Variants in VWA8 observed in about 807,000 individuals in gnomAD.
VWA8 encodes von Willebrand factor A domain containing 8, also known as von Willebrand factor A domain-containing protein 8.
VWA8 carries 221 observed loss-of-function variants against 241.5 expected under a neutral mutation model. The observed-to-expected ratio is 0.91, with a 90% CI of 0.82 to 1.02. The LOEUF (loss-of-function observed/expected upper bound fraction) is 1.02. VWA8 is among the 50% of genes least tolerant of loss of function. The pLI is 0.00. For synonymous variants in VWA8, 852 were observed against 827.1 expected (o/e 1.03, Z -0.52); for missense variants, 2,322 against 2,328.7 (o/e 1.00, Z 0.06).
chr13:41,721,622 C>T (rs767647552), intron 24 of VWA8, 47 bp from the exon 25 acceptor site: 8 of 1,551,314 alleles, frequency 5.2e-6, no homozygotes, highest in East Asian at 4.5e-5. Flanking sequence ...AAATCCATTA[C>T]GATGTCACAG....
intron 12 of VWA8, among the ~76,000 whole-genome samples, chr13:41,860,950 T>C (rs1408404909): frequency 6.6e-6 from 1 of 152,024 alleles, no homozygotes; most frequent in East Asian, 1.9e-4. Context: ...ATGAGAGTTT[T>C]TATTTTAATG....
At chr13:41,763,125 C>G (rs2045753040) in intron 20 of VWA8, among the ~76,000 whole-genome samples, 1 of 151,594 alleles carries the variant, frequency 6.6e-6, no homozygotes. Flanking sequence ...AACAAACAAA[C>G]AAACAAACAA....
At chr13:41,863,131 A>T (rs1413786563) in intron 12 of VWA8, among the ~76,000 whole-genome samples, 1 of 151,942 alleles carries the variant, frequency 6.6e-6, no homozygotes, top group Non-Finnish European at 1.5e-5. Flanking sequence ...GGCATCATCT[A>T]ATCAGCTGCC....
intron 17 of VWA8, among the ~76,000 whole-genome samples, chr13:41,789,177 G>A (rs149049271): frequency 0.011 from 1,684 of 152,208 alleles, 33 homozygotes; most frequent in African/African-American, 0.039. Flanking sequence ...CATATCAGGC[G>A]GTGTAAGGCC....
chr13:41,926,768 G>A (rs956623304), intron 2 of VWA8: 2 of 543,354 alleles, frequency 3.7e-6, no homozygotes, highest in African/African-American at 1.9e-5. Context: ...AATCAGCATG[G>A]TAGAAGAACT....
At chr13:41,872,308 T>A (rs1873668434) in intron 9 of VWA8, among the ~76,000 whole-genome samples, 1 of 152,242 alleles carries the variant, frequency 6.6e-6, no homozygotes, top group Non-Finnish European at 1.5e-5. Context: ...CTCTTTAGTT[T>A]AATTAGATCC....
At chr13:41,942,940 T>C (rs1877670029) in intron 2 of VWA8, among the ~76,000 whole-genome samples, 1 of 152,132 alleles carries the variant, frequency 6.6e-6, no homozygotes, top group Non-Finnish European at 1.5e-5. Flanking sequence ...ACAGCTGAGT[T>C]GCAGCAAGCA....
At position 41,611,571 on chromosome 13, in the gene VWA8, C is replaced by T. The variant is rs777215843; in HGVS notation, c.4877+5G>A. 6.2e-7 allele frequency: 1 copy of T among 1,613,848 alleles called. No individual in the cohort carries two copies. The highest frequency in any genetic ancestry group is 8.5e-7 in the Non-Finnish European group (1 of 1,179,838). On this transcript the variant is annotated splice_donor_5th_base_variant and intron_variant, in intron 39 of 44. Transcript: ENST00000379310. The stretch of plus-strand genomic sequence containing the variant: ...TGCTGGTCTAAATGTGATGGGAGCA[C>T]TGACCTCTGCTGGAATGCTCTCTGG...
chr13:41,643,704 A>G (rs2044811757), intron 37 of VWA8, among the ~76,000 whole-genome samples: 1 of 152,226 alleles, frequency 6.6e-6, no homozygotes, highest in Non-Finnish European at 1.5e-5. Context: ...GGTAGGTCTC[A>G]GCTGAGGCAG....
At chr13:41,719,472 G>A (rs2045368202) in intron 26 of VWA8, 119 bp downstream of exon 26, 1 of 1,547,630 alleles carries the variant, frequency 6.5e-7, no homozygotes, top group Admixed American at 2.2e-5. Context: ...ACATATACAT[G>A]TATTTGAAAA....
chr13:41,674,422 G>T (rs2045046199), intron 36 of VWA8, among the ~76,000 whole-genome samples: 1 of 152,164 alleles, frequency 6.6e-6, no homozygotes, highest in Non-Finnish European at 1.5e-5. Context: ...GGGAGTACAT[G>T]AGAGGAGCAG....
intron 37 of VWA8, among the ~76,000 whole-genome samples, chr13:41,616,022 G>A (rs2044618337): frequency 6.6e-6 from 1 of 152,204 alleles, no homozygotes; most frequent in Admixed American, 6.5e-5. Flanking sequence ...GTACCATGGG[G>A]CCTACAAAGC....
chr13:41,893,729 C>G (rs1874965372), intron 4 of VWA8, among the ~76,000 whole-genome samples: 1 of 152,018 alleles, frequency 6.6e-6, no homozygotes, highest in Non-Finnish European at 1.5e-5. Context: ...ACTAGAAATA[C>G]AAAAATTAGC....
intron 9 of VWA8, among the ~76,000 whole-genome samples, chr13:41,874,086 CAT>C (rs1873778866): frequency 6.6e-6 from 1 of 151,788 alleles, no homozygotes; most frequent in African/African-American, 2.4e-5. Flanking sequence ...ACAAAAACCA[CAT>C]GATTATCTCA....
At chr13:41,711,613 G>A (rs918114016) in intron 26 of VWA8, among the ~76,000 whole-genome samples, 3 of 152,216 alleles carry the variant, frequency 2.0e-5, no homozygotes, top group South Asian at 2.1e-4. Flanking sequence ...GGTGGCTCAT[G>A]CCTGTAATCC....
chr13:41,611,693 G>C lies in VWA8; in HGVS notation c.4760C>G (p.Pro1587Arg). 6.2e-7 allele frequency: 1 copy of C among 1,614,070 alleles called. No homozygotes were observed. The change falls in exon 39 of 45, where the codon CCT becomes CGT. Residue 1587 changes from proline (P) to arginine (R), a missense_variant. Physicochemically the swap from Pro to Arg is moderately radical, Grantham distance 103 (BLOSUM62 -2). Transcript: ENST00000379310. ...DTAGLGGKGG[P>R]YRLDAGHTVY... ...CGTATGGCCTGCATCCAGCCGGTAAGGGCCTCCTTTGCCACCCAGGCCTGC... is the reference window on the plus strand; with the variant it reads ...CGTATGGCCTGCATCCAGCCGGTAACGGCCTCCTTTGCCACCCAGGCCTGC...
At chr13:41,747,591 T>A (rs1393044294) in intron 21 of VWA8, among the ~76,000 whole-genome samples, 2 of 152,186 alleles carry the variant, frequency 1.3e-5, no homozygotes, top group African/African-American at 2.4e-5. Flanking sequence ...ACCCTTTATT[T>A]CCTTCTCCTG....
chr13:41,738,486 CCTA>C (rs1367648784), intron 21 of VWA8, among the ~76,000 whole-genome samples: 1 of 152,090 alleles, frequency 6.6e-6, no homozygotes, highest in Non-Finnish European at 1.5e-5. Context: ...TACCACGTCT[CCTA>C]CTACTATGTT....
At chr13:41,903,253 T>C (rs1303863419) in intron 4 of VWA8, among the ~76,000 whole-genome samples, 1 of 152,162 alleles carries the variant, frequency 6.6e-6, no homozygotes, top group Non-Finnish European at 1.5e-5. Flanking sequence ...TTTTCATGAA[T>C]AAATTAAGGC....
Sources: gnomAD v4.1 joint callset for allele counts (sites outside exome capture counted in the v4.1 genomes callset) on GRCh38, gnomAD v4.1.1 for gene constraint, MANE v1.5 for transcripts, NCBI Gene and HGNC (gene_info 2026-07-23, HGNC 2026-07-21) for gene names.